Variants in TMEM87A observed in about 807,000 individuals in gnomAD.
The protein encoded by TMEM87A is Golgi-pH regulating cation channel.
In TMEM87A, 50 loss-of-function variants were observed where a neutral mutation model predicts 90.0. That is an observed-to-expected ratio of 0.56 (90% CI 0.44 to 0.70). TMEM87A has a LOEUF of 0.70. TMEM87A is among the 30% of genes least tolerant of loss of function. The probability of loss-of-function intolerance (pLI) is 0.00; values close to 1 mark genes in which losing one functional copy is unlikely to be tolerated. For synonymous variants in TMEM87A, 226 were observed against 226.7 expected (o/e 1.00, Z 0.03); for missense variants, 577 against 660.5 (o/e 0.87, Z 1.39).
chr15:42,226,797 T>C lies in TMEM87A; in HGVS notation c.1403+9A>G. 6.2e-7 allele frequency: 1 copy of C among 1,611,752 alleles called. No individual in the cohort carries two copies. The highest frequency in any genetic ancestry group is 8.5e-7 in the Non-Finnish European group (1 of 1,178,564). ...CATGTTAGCAGAGTAAACAGAAGAGTCCAAGAACCTCTGGTTGTTTGCAGA... is the reference window on the plus strand; with the variant it reads ...CATGTTAGCAGAGTAAACAGAAGAGCCCAAGAACCTCTGGTTGTTTGCAGA... On this transcript the variant is annotated intron_variant, in intron 15 of 19. Coordinates refer to ENST00000389834, the MANE Select transcript of TMEM87A (RefSeq NM_015497.5).
chr15:42,215,290 G>A (rs1484965018), intron 19 of TMEM87A, among the ~76,000 whole-genome samples: 1 of 152,158 alleles, frequency 6.6e-6, no homozygotes, highest in Admixed American at 6.5e-5. Context: ...ACAAGGTCAG[G>A]AGACCGAGAC....
chr15:42,246,946 C>T (rs556379793), intron 6 of TMEM87A, among the ~76,000 whole-genome samples: 29 of 152,312 alleles, frequency 1.9e-4, no homozygotes, highest in African/African-American at 7.0e-4. Flanking sequence ...CACATCCTCT[C>T]CAGCACCTGT....
intron 2 of TMEM87A, among the ~76,000 whole-genome samples, chr15:42,268,691 T>G (rs914493551): frequency 8.6e-5 from 13 of 151,792 alleles, no homozygotes; most frequent in African/African-American, 2.4e-4. Context: ...AATAAATAAA[T>G]AAATAAATAG....
intron 6 of TMEM87A, among the ~76,000 whole-genome samples, chr15:42,246,313 T>C (rs1193942426): frequency 3.9e-5 from 6 of 152,222 alleles, no homozygotes; most frequent in Non-Finnish European, 8.8e-5. Context: ...TTTTTTTTTA[T>C]ACCTTAAGTT....
At chr15:42,264,268 G>T in intron 3 of TMEM87A, 65 bp from the exon 4 acceptor site, 1 of 1,126,776 alleles carries the variant, frequency 8.9e-7, no homozygotes. Context: ...TAAGAGCACA[G>T]CACAACAAAC....
intron 3 of TMEM87A, among the ~76,000 whole-genome samples, chr15:42,266,722 A>G (rs972046167): frequency 3.3e-5 from 5 of 152,174 alleles, no homozygotes; most frequent in African/African-American, 1.2e-4. Context: ...TAGATAAAGC[A>G]GTAAAAATTA....
chr15:42,271,916 G>C lies in TMEM87A; in HGVS notation c.205+147C>G, dbSNP rs2051537809. Reference sequence around the variant, plus strand: ...ACACGAGTACTTTGAAGATGATTCAGTAAAAGGACCTTAGTAATACTAAAA... The same window carrying C: ...ACACGAGTACTTTGAAGATGATTCACTAAAAGGACCTTAGTAATACTAAAA... On this transcript the variant is annotated intron_variant, in intron 2 of 19. Transcript: ENST00000389834. 6.2e-6 allele frequency: 4 copies of C among 644,518 alleles called. 1 individual carries two copies. The highest frequency in any genetic ancestry group is 4.4e-5 in the South Asian group (2 of 45,440). 39.9% of individuals were successfully genotyped at this position (644,518 alleles called of 1,614,324 possible).
rs1377528594 is a variant in TMEM87A, at chr15:42,258,316, T to C, written c.504+2642A>G. The C allele has an allele frequency of 7.2e-6, 5 of 693,844 alleles. No homozygotes were observed. In the South Asian group the frequency reaches 1.9e-4, roughly 27 times the overall value. The allele number at this position is 693,844 out of a possible 1,614,324, so 43.0% of individuals were successfully genotyped here. ...ATATACAAAAGAATAGGAAGATAAA[T>C]ATATCACTGCATGGTATTATAGATT... On this transcript the variant is annotated intron_variant, in intron 6 of 19. Coordinates refer to ENST00000389834, the MANE Select transcript of TMEM87A (RefSeq NM_015497.5).
In TMEM87A at chr15:42,237,523, C is replaced by T; in HGVS notation, c.777G>A (p.Gln259=). ...GGAAGATGACAGCACCAATCCAAAA[C>T]TGAATTCTCAGGAGATCTCTCCAGT... ...ACYWRDLLRI[Q]FWIGAVIFLG... Residue 259 remains glutamine, a synonymous_variant, in exon 9 of 20, where the codon CAG becomes CAA. Transcript: ENST00000389834. 1 of 1,614,108 alleles carries T rather than the reference C, an allele frequency of 6.2e-7. No homozygotes were observed. Among genetic ancestry groups the T allele is most frequent in the Non-Finnish European group, 8.5e-7 (1 of 1,180,034 alleles).
chr15:42,227,683 A>C (rs759914477), intron 14 of TMEM87A, 28 bp downstream of exon 14: 1 of 1,599,078 alleles, frequency 6.3e-7, no homozygotes, highest in Non-Finnish European at 8.6e-7. Context: ...AAGACAGTAC[A>C]TTATTCATAA....
chr15:42,232,401 T>C (rs1381207526), intron 11 of TMEM87A, among the ~76,000 whole-genome samples: 1 of 152,200 alleles, frequency 6.6e-6, no homozygotes, highest in Non-Finnish European at 1.5e-5. Flanking sequence ...TCACTTAGAT[T>C]CTTTGGTTTC....
intron 19 of TMEM87A, among the ~76,000 whole-genome samples, chr15:42,216,044 T>C (rs1382680966): frequency 2.0e-5 from 3 of 152,186 alleles, no homozygotes; most frequent in East Asian, 1.9e-4. Context: ...AATGGAACAC[T>C]TGTCAACCTT....
At chr15:42,237,764 G>A in intron 8 of TMEM87A, 149 bp from the exon 9 acceptor site, 1 of 622,216 alleles carries the variant, frequency 1.6e-6, no homozygotes, top group Non-Finnish European at 2.4e-6. Context: ...CTGGACTCAA[G>A]CAATCCTCCC....
At chr15:42,260,209 C>T (rs2051261806) in intron 6 of TMEM87A, among the ~76,000 whole-genome samples, 1 of 152,046 alleles carries the variant, frequency 6.6e-6, no homozygotes, top group South Asian at 2.1e-4. Context: ...CCAACCCCCA[C>T]AAAAAATTTT....
At position 42,217,836 on chromosome 15, in the gene TMEM87A, G is replaced by A; in HGVS notation, c.1596-3C>T. ...AATCCAGAAGGGCTGGAAGTGCTCTGCAAAGAGAGAGAAATACTAAATTGA... is the reference window on the plus strand; with the variant it reads ...AATCCAGAAGGGCTGGAAGTGCTCTACAAAGAGAGAGAAATACTAAATTGA... On this transcript the variant is annotated splice_polypyrimidine_tract_variant and splice_region_variant and intron_variant, in intron 18 of 19. Coordinates refer to ENST00000389834, the MANE Select transcript of TMEM87A (RefSeq NM_015497.5). 6.2e-7 allele frequency: 1 copy of A among 1,612,106 alleles called. No individual in the cohort carries two copies. The highest frequency in any genetic ancestry group is 8.5e-7 in the Non-Finnish European group (1 of 1,179,426).
At chr15:42,233,012 T>C (rs1251889937) in intron 11 of TMEM87A, 3 of 334,246 alleles carry the variant, frequency 9.0e-6, no homozygotes, top group African/African-American at 6.4e-5. Flanking sequence ...TGGAAAAGCA[T>C]TCATTCGGGC....
At chr15:42,221,273 GAGAGAGAGAGAGAGAGAGAGAGAC>G in intron 15 of TMEM87A, among the ~76,000 whole-genome samples, 1 of 143,150 alleles carries the variant, frequency 7.0e-6, no homozygotes. Flanking sequence ...GACAGAGACA[GAGAGAGAGAGAGAGAGAGAGAGAC>G]AGAGAGAGAG....
intron 6 of TMEM87A, among the ~76,000 whole-genome samples, chr15:42,253,393 A>C (rs2051120392): frequency 6.6e-6 from 1 of 152,140 alleles, no homozygotes; most frequent in Non-Finnish European, 1.5e-5. Flanking sequence ...TCTATTGCTT[A>C]TCCCCACTGT....
chr15:42,270,523 G>C (rs898521380), intron 2 of TMEM87A, among the ~76,000 whole-genome samples: 11 of 152,174 alleles, frequency 7.2e-5, no homozygotes, highest in African/African-American at 2.4e-4. Flanking sequence ...TTGAACCTGG[G>C]AGGTGGAGGT....
Sources: gnomAD v4.1 joint callset for allele counts (sites outside exome capture counted in the v4.1 genomes callset) on GRCh38, gnomAD v4.1.1 for gene constraint, MANE v1.5 for transcripts, NCBI Gene and HGNC (gene_info 2026-07-23, HGNC 2026-07-21) for gene names.